NFIC: variants seen among roughly 807,000 people sequenced by gnomAD.
NFIC encodes the protein nuclear factor 1 C-type.
A neutral mutation model predicts 54.4 loss-of-function variants in NFIC; 12 were observed. That is an observed-to-expected ratio of 0.22 (90% CI 0.14 to 0.36). The LOEUF is 0.36. Among genes scored for constraint, NFIC ranks in the 10% least tolerant of loss-of-function variants. The probability of loss-of-function intolerance (pLI) is 1.00; values close to 1 mark genes in which losing one functional copy is unlikely to be tolerated. For missense variants in NFIC, 575 were observed against 718.2 expected (o/e 0.80, Z 2.28); for synonymous variants, 322 against 319.2 (o/e 1.01, Z -0.09).
intron 6 of NFIC, among the ~76,000 whole-genome samples, chr19:3,446,669 C>T (rs2082378081): frequency 1.3e-5 from 2 of 152,162 alleles, no homozygotes; most frequent in Non-Finnish European, 1.5e-5. Flanking sequence ...ATTCCATTTC[C>T]AGGGATAGGG....
chr19:3,403,001 T>C (rs776412684), intron 2 of NFIC, among the ~76,000 whole-genome samples: 2 of 152,192 alleles, frequency 1.3e-5, no homozygotes, highest in Non-Finnish European at 2.9e-5. Flanking sequence ...TTCCTTTCCC[T>C]GACAAGCATT....
Position 3,464,509 on chromosome 19 carries a change from A to T in NFIC, c.*1740A>T. 2.0e-6 allele frequency: 2 copies of T among 979,234 alleles called. No homozygotes were observed. The highest frequency in any genetic ancestry group is 2.4e-6 in the Non-Finnish European group (2 of 827,878). The allele number at this position is 979,234 out of a possible 1,614,324, so 60.7% of individuals were successfully genotyped here. ...TGTTTTAGGGCCACCGAGCTCAAACACAAGGACCCCTCCCCGGCCCACCCA... is the reference window on the plus strand; with the variant it reads ...TGTTTTAGGGCCACCGAGCTCAAACTCAAGGACCCCTCCCCGGCCCACCCA... On this transcript the variant is annotated 3_prime_UTR_variant, in exon 11 of 11. Coordinates refer to ENST00000443272, the MANE Select transcript of NFIC (RefSeq NM_001245002.2).
intron 1 of NFIC, among the ~76,000 whole-genome samples, chr19:3,372,829 G>A (rs1328424250): frequency 1.3e-5 from 2 of 151,576 alleles, no homozygotes; most frequent in Admixed American, 6.6e-5. Context: ...TGCAATGATA[G>A]TCCCCACTTT....
intron 1 of NFIC, chr19:3,371,713 G>C (rs1402891505): frequency 6.6e-6 from 1 of 152,066 alleles, no homozygotes; most frequent in Non-Finnish European, 1.5e-5. Context: ...GAACACCCCA[G>C]AGGCATTTTC....
At position 3,405,448 on chromosome 19, in the gene NFIC, G is replaced by C. The variant is rs1396260998; in HGVS notation, c.563-19658G>C. ...CACTGTCAGGATGTGGAGGCTCAGA[G>C]AGGGAGAGTGCTTTTAGTGAGGTCA... is the stretch of plus-strand genomic sequence containing the variant. On this transcript the variant is annotated intron_variant, in intron 2 of 10. Coordinates refer to ENST00000443272, the MANE Select transcript of NFIC (RefSeq NM_001245002.2). Among the ~76,000 whole-genome samples, 6 of 152,324 alleles carry C rather than the reference G, an allele frequency of 3.9e-5. No homozygotes were observed. The East Asian group carries it at 1.2e-3, about 29-fold the overall frequency.
chr19:3,451,632 TA>T (rs542068323), intron 7 of NFIC, among the ~76,000 whole-genome samples: 20,284 of 131,306 alleles, frequency 0.15, 3,403 homozygotes, highest in African/African-American at 0.43. Flanking sequence ...TTCTATCTCT[TA>T]AAAAAAAAAA....
At position 3,423,276 on chromosome 19, in the gene NFIC, C is replaced by T. The variant is rs183917046; in HGVS notation, c.563-1830C>T. Among the ~76,000 whole-genome samples, 453 of 152,222 alleles carry T rather than the reference C, an allele frequency of 3.0e-3. 2 individuals are homozygous for T. The highest frequency in any genetic ancestry group is 5.2e-3 in the Non-Finnish European group (351 of 68,016). On this transcript the variant is annotated intron_variant, in intron 2 of 10. Coordinates refer to ENST00000443272, the MANE Select transcript of NFIC (RefSeq NM_001245002.2). ...CTCGTGATTGAGGTCTCCAAATGCC[C>T]TCAAGTGCTTCAGGAGTATCCTCTC...
chr19:3,386,630 C>T (rs570606466), intron 2 of NFIC, among the ~76,000 whole-genome samples: 37 of 151,606 alleles, frequency 2.4e-4, no homozygotes, highest in African/African-American at 8.0e-4. Context: ...GCCTGTTGTA[C>T]GCATTTTACA....
At chr19:3,434,170 G>A (rs1448228680) in intron 4 of NFIC, 107 bp from the exon 5 acceptor site, 2 of 1,466,548 alleles carry the variant, frequency 1.4e-6, no homozygotes, top group African/African-American at 2.8e-5. Context: ...AATATGGGAA[G>A]GGGGTCCCCC....
At chr19:3,368,913 CTGTGTG>C (rs59920512) in intron 1 of NFIC, among the ~76,000 whole-genome samples, 45,731 of 146,950 alleles carry the variant, frequency 0.31, 8,439 homozygotes, top group Non-Finnish European at 0.41. Context: ...TGCTCTGACT[CTGTGTG>C]TGTGTGTGTG....
rs537815463 is a variant in NFIC at position 3,414,115 on chromosome 19, C to T, written c.563-10991C>T. Among the ~76,000 whole-genome samples, 3 of 152,236 alleles carry T rather than the reference C, an allele frequency of 2.0e-5. No individual in the cohort carries two copies. In the East Asian group the frequency reaches 5.8e-4, roughly 29 times the overall value. On this transcript the variant is annotated intron_variant, in intron 2 of 10. Transcript: ENST00000443272. Reference sequence around the variant, plus strand: ...GGAAAGAACTAATGGCAACATAGTGCAGCTCCAATGTACAGATGAAGAAAT... The same window carrying T: ...GGAAAGAACTAATGGCAACATAGTGTAGCTCCAATGTACAGATGAAGAAAT...
At chr19:3,413,112 C>G (rs2081792396) in intron 2 of NFIC, among the ~76,000 whole-genome samples, 1 of 152,114 alleles carries the variant, frequency 6.6e-6, no homozygotes, top group African/African-American at 2.4e-5. Flanking sequence ...CCACACCCGG[C>G]TAATTTTTGT....
At chr19:3,436,305 G>A (rs966896211) in intron 6 of NFIC, among the ~76,000 whole-genome samples, 2 of 127,072 alleles carry the variant, frequency 1.6e-5, no homozygotes, top group African/African-American at 3.1e-5. Flanking sequence ...GCCATGCGCC[G>A]TTAATTTTTT....
At chr19:3,456,109 C>T (rs981093144) in intron 9 of NFIC, among the ~76,000 whole-genome samples, 2 of 152,238 alleles carry the variant, frequency 1.3e-5, no homozygotes, top group African/African-American at 2.4e-5. Flanking sequence ...TGTATGTATG[C>T]ACACACCCAG....
chr19:3,433,081 C>G (rs2082146438), intron 3 of NFIC, among the ~76,000 whole-genome samples: 1 of 152,204 alleles, frequency 6.6e-6, no homozygotes. Flanking sequence ...CCTCCAGCCT[C>G]AGCCTCCTGA....
At chr19:3,441,108 C>A (rs1337525565) in intron 6 of NFIC, among the ~76,000 whole-genome samples, 1 of 152,254 alleles carries the variant, frequency 6.6e-6, no homozygotes, top group Non-Finnish European at 1.5e-5. Flanking sequence ...CCACACCCGG[C>A]TGGCCGCTTT....
chr19:3,383,408 G>A (rs768065556), intron 2 of NFIC, among the ~76,000 whole-genome samples: 3 of 152,162 alleles, frequency 2.0e-5, no homozygotes, highest in Non-Finnish European at 2.9e-5. Flanking sequence ...TGGCAGGAGC[G>A]TGGAGATGAG....
At chr19:3,363,263 ATATATATTTT>A (rs1284421988), upstream of NFIC, among the ~76,000 whole-genome samples, 217 of 60,854 alleles carry the variant, frequency 3.6e-3, 4 homozygotes, top group African/African-American at 0.015. Flanking sequence ...ATATATATAT[ATATATATTTT>A]TTTTTTTTTT....
intron 2 of NFIC, among the ~76,000 whole-genome samples, chr19:3,399,484 G>A (rs1305215188): frequency 6.6e-6 from 1 of 152,166 alleles, no homozygotes; most frequent in Non-Finnish European, 1.5e-5. Flanking sequence ...GTCGCGGCAG[G>A]AGGATTGCTC....
Sources: allele counts gnomAD v4.1 joint callset (sites outside exome capture counted in the v4.1 genomes callset), GRCh38; gene constraint gnomAD v4.1.1; transcripts MANE v1.5; gene names NCBI Gene and HGNC (gene_info 2026-07-23, HGNC 2026-07-21).